The following HHAT variants were observed in gnomAD, a reference collection of about 807,000 sequenced individuals.
HHAT encodes the protein protein-cysteine N-palmitoyltransferase HHAT.
Under a neutral mutation model 70.8 loss-of-function variants are expected in HHAT, and 47 were observed. The observed-to-expected ratio is 0.66, with a 90% CI of 0.53 to 0.85. HHAT has a LOEUF of 0.85. Ranked by LOEUF, HHAT falls within the 40% of genes least tolerant of loss-of-function variation. HHAT has a pLI of 0.00. For synonymous variants in HHAT, 228 were observed against 247.6 expected, an observed-to-expected ratio of 0.92 and a Z score of 0.74; for missense variants, 609 against 604.8, an observed-to-expected ratio of 1.01 and a Z score of -0.07.
intron 5 of HHAT, among the ~76,000 whole-genome samples, chr1:210,402,512 C>T (rs1340378924): frequency 6.6e-6 from 1 of 152,158 alleles, no homozygotes; most frequent in African/African-American, 2.4e-5. Flanking sequence ...CAGCTTAGAC[C>T]TCAGTCTCTA....
chr1:210,468,384 A>G (rs964817391), intron 8 of HHAT, among the ~76,000 whole-genome samples: 2 of 152,192 alleles, frequency 1.3e-5, no homozygotes, highest in African/African-American at 4.8e-5. Flanking sequence ...GTTGTGGGTC[A>G]GTTTCAATTA....
intron 3 of HHAT, among the ~76,000 whole-genome samples, chr1:210,370,324 A>G (rs1202983676): frequency 6.6e-6 from 1 of 150,800 alleles, no homozygotes; most frequent in African/African-American, 2.4e-5. Context: ...ACAGGTGCCC[A>G]TCACCATGCC....
rs149924067 is a variant in HHAT, at chr1:210,669,062, C to T, written c.1391-5226C>T. On this transcript the variant is annotated intron_variant, in intron 11 of 11. Transcript: ENST00000261458. ...TGCTGGGATTACAGGTGTGAGCCAC[C>T]GCGCCTGGCCACACATTACCTTTTA... Among the ~76,000 whole-genome samples, 633 of 152,300 alleles carry T rather than the reference C, an allele frequency of 4.2e-3. 4 individuals are homozygous for T. Among genetic ancestry groups the T allele is most frequent in the African/African-American group, 0.014 (598 of 41,548 alleles).
intron 3 of HHAT, among the ~76,000 whole-genome samples, chr1:210,365,320 T>TTGTTTTG (rs1558361318): frequency 1.5e-5 from 2 of 131,730 alleles, no homozygotes; most frequent in African/African-American, 3.0e-5. Flanking sequence ...TTTTTTTTTT[T>TTGTTTTG]TTTTTTTTTT....
intron 9 of HHAT, among the ~76,000 whole-genome samples, chr1:210,534,888 T>G (rs1276713058): frequency 6.6e-6 from 1 of 152,226 alleles, no homozygotes; most frequent in East Asian, 1.9e-4. Context: ...ACCTATAGAA[T>G]TGTACCTCCT....
Position 210,469,896 on chromosome 1 carries a change from A to G in HHAT, c.1007+5241A>G, listed in dbSNP as rs1331485525. ...ATGTGCAGGTTTGTTATATAGGTAT[A>G]CATGTACCATGGTGGTTTGCTGCAA... On this transcript the variant is annotated intron_variant, in intron 8 of 11. Coordinates refer to ENST00000261458, the MANE Select transcript of HHAT (RefSeq NM_018194.6). 2.6e-5 allele frequency among the ~76,000 whole-genome samples: 4 copies of G among 152,142 alleles called. No homozygotes were observed. In the East Asian group the frequency reaches 7.7e-4, roughly 29 times the overall value.
intron 9 of HHAT, among the ~76,000 whole-genome samples, chr1:210,570,579 C>G (rs1325176987): frequency 6.6e-6 from 1 of 152,174 alleles, no homozygotes; most frequent in Non-Finnish European, 1.5e-5. Flanking sequence ...ACAGACCCAC[C>G]ACCCAGGAGT....
At chr1:210,440,809 C>A (rs1023589375) in intron 7 of HHAT, among the ~76,000 whole-genome samples, 11 of 149,480 alleles carry the variant, frequency 7.4e-5, no homozygotes, top group African/African-American at 2.8e-4. Flanking sequence ...ACAGCCAAAT[C>A]TAGGTTCCCT....
chr1:210,568,619 A>C (rs1655353746), intron 9 of HHAT, among the ~76,000 whole-genome samples: 1 of 152,336 alleles, frequency 6.6e-6, no homozygotes, highest in Middle Eastern at 3.4e-3. Context: ...GAGCCCCGTT[A>C]GAGAATTTTC....
intron 9 of HHAT, 87 bp from the exon 10 acceptor site, chr1:210,587,811 G>A (rs1444812830): frequency 1.1e-6 from 1 of 938,684 alleles, no homozygotes; most frequent in African/African-American, 1.6e-5. Context: ...GTGAACAGCA[G>A]TATGTGACAG....
At chr1:210,470,387 A>C (rs2094183346) in intron 8 of HHAT, among the ~76,000 whole-genome samples, 1 of 152,102 alleles carries the variant, frequency 6.6e-6, no homozygotes, top group African/African-American at 2.4e-5. Context: ...ATTACCTCAC[A>C]TTTTAGGTAC....
In HHAT at chr1:210,643,546, T is replaced by C. The variant is rs189937562; in HGVS notation, c.1390+19876T>C. ...TGCGTCCAGAGGGTGAATCATTCCT[T>C]CCTCTTTTGTAAGGCATCATGGTAA... On this transcript the variant is annotated intron_variant, in intron 11 of 11. Coordinates refer to ENST00000261458, the MANE Select transcript of HHAT (RefSeq NM_018194.6). Among the ~76,000 whole-genome samples the C allele has an allele frequency of 3.3e-4, 51 of 152,346 alleles. No individual in the cohort carries two copies. The East Asian group carries it at 8.9e-3, about 26-fold the overall frequency.
intron 7 of HHAT, among the ~76,000 whole-genome samples, chr1:210,445,052 C>T (rs1247203498): frequency 1.3e-5 from 2 of 152,088 alleles, no homozygotes; most frequent in Non-Finnish European, 2.9e-5. Context: ...GTTGGTCAGG[C>T]TGGTCTTGAA....
intron 8 of HHAT, among the ~76,000 whole-genome samples, chr1:210,510,684 C>T (rs940071670): frequency 5.9e-5 from 9 of 152,186 alleles, no homozygotes; most frequent in African/African-American, 2.2e-4. Context: ...GTTTGATTTC[C>T]AGCTTTTTTT....
chr1:210,401,252 T>TA (rs1193404428), intron 5 of HHAT, among the ~76,000 whole-genome samples: 1 of 152,148 alleles, frequency 6.6e-6, no homozygotes, highest in East Asian at 1.9e-4. Flanking sequence ...GTGGGTGGGA[T>TA]ATAGGTACCT....
chr1:210,617,739 A>G (rs1668024107), intron 10 of HHAT, among the ~76,000 whole-genome samples: 1 of 152,244 alleles, frequency 6.6e-6, no homozygotes, highest in Non-Finnish European at 1.5e-5. Context: ...CAATTAAACA[A>G]ATCTGGCTTT....
intron 9 of HHAT, among the ~76,000 whole-genome samples, chr1:210,522,506 T>C (rs1311953568): frequency 3.3e-5 from 5 of 152,224 alleles, no homozygotes; most frequent in Non-Finnish European, 5.9e-5. Context: ...GTCCACTGGC[T>C]CCCATGGGGC....
chr1:210,377,108 A>T (rs368896501), intron 3 of HHAT, among the ~76,000 whole-genome samples: 3 of 152,184 alleles, frequency 2.0e-5, no homozygotes, highest in African/African-American at 7.2e-5. Flanking sequence ...GTGGCCCCCA[A>T]CAGGCTGGGG....
At chr1:210,367,579 C>A (rs2089126607) in intron 3 of HHAT, among the ~76,000 whole-genome samples, 1 of 152,012 alleles carries the variant, frequency 6.6e-6, no homozygotes, top group African/African-American at 2.4e-5. Context: ...AGTGGTGTTG[C>A]TATGGTTAGA....
Sources: allele counts gnomAD v4.1 joint callset (sites outside exome capture counted in the v4.1 genomes callset), GRCh38; gene constraint gnomAD v4.1.1; transcripts MANE v1.5; gene names NCBI Gene and HGNC (gene_info 2026-07-23, HGNC 2026-07-21).